CRYBG3: variants seen among roughly 807,000 people sequenced by gnomAD.
CRYBG3 encodes the protein very large A-kinase anchor protein.
CRYBG3 carries 127 observed loss-of-function variants against 244.2 expected under a neutral mutation model. The observed-to-expected ratio is 0.52, with a 90% CI of 0.45 to 0.60. The LOEUF is 0.60. Among genes scored for constraint, CRYBG3 ranks in the 20% least tolerant of loss-of-function variants. The probability of loss-of-function intolerance (pLI) is 0.00; values close to 1 mark genes in which losing one functional copy is unlikely to be tolerated. For synonymous variants in CRYBG3, 1,132 were observed against 1,195.8 expected (o/e 0.95, Z 1.10); for missense variants, 3,325 against 3,442.5 (o/e 0.97, Z 0.85).
chr3:97,906,239 G>C (rs1294895299), intron 15 of CRYBG3, among the ~76,000 whole-genome samples: 2 of 130,782 alleles, frequency 1.5e-5, no homozygotes, highest in African/African-American at 5.2e-5. Flanking sequence ...CTCTTTTTTG[G>C]TTCCATATGA....
chr3:97,905,613 T>G (rs2039763496), intron 15 of CRYBG3, among the ~76,000 whole-genome samples: 1 of 151,944 alleles, frequency 6.6e-6, no homozygotes, highest in Non-Finnish European at 1.5e-5. Flanking sequence ...CTTGTAAATT[T>G]GTTTGAGTTC....
At chr3:97,909,708 T>C (rs2039839242) in intron 15 of CRYBG3, among the ~76,000 whole-genome samples, 1 of 151,942 alleles carries the variant, frequency 6.6e-6, no homozygotes, top group South Asian at 2.1e-4. Context: ...CTCCCGTAGC[T>C]CAGAGTAATT....
intron 2 of CRYBG3, among the ~76,000 whole-genome samples, chr3:97,848,773 A>G (rs2038940509): frequency 6.6e-6 from 1 of 152,228 alleles, no homozygotes; most frequent in African/African-American, 2.4e-5. Context: ...TTGCAGCAGT[A>G]TCATGTCAGT....
At chr3:97,840,993 A>C (rs1026702324) in intron 1 of CRYBG3, among the ~76,000 whole-genome samples, 16 of 152,114 alleles carry the variant, frequency 1.1e-4, no homozygotes, top group African/African-American at 3.6e-4. Flanking sequence ...TTGGCAAAAG[A>C]TAAAGACTAG....
chr3:97,833,868 T>C (rs369345055), intron 1 of CRYBG3, among the ~76,000 whole-genome samples: 18 of 152,222 alleles, frequency 1.2e-4, no homozygotes, highest in African/African-American at 4.1e-4. Flanking sequence ...AATGTTAAGA[T>C]TGGGCATCTG....
chr3:97,933,735 T>C lies in CRYBG3; in HGVS notation c.8283T>C (p.His2761=). The C allele has an allele frequency of 1.9e-6, 3 of 1,613,056 alleles. No homozygotes were observed. Among genetic ancestry groups the C allele is most frequent in the Non-Finnish European group, 2.5e-6 (3 of 1,179,334 alleles). ...EPSISLFALE[H]CEGRELHLEE... is the part of the protein sequence containing the mutation. ...CCATCAGCCTTTTTGCTCTGGAGCA[T>C]TGTGAGGGAAGAGAGTTACATCTAG... is the stretch of plus-strand genomic sequence containing the variant. Residue 2761 remains histidine, a synonymous_variant, in exon 18 of 22, where the codon CAT becomes CAC. Coordinates refer to ENST00000389622, the MANE Select transcript of CRYBG3 (RefSeq NM_153605.4).
At chr3:97,828,828 CAAAAAA>C (rs11341279) in intron 1 of CRYBG3, among the ~76,000 whole-genome samples, 1 of 114,950 alleles carries the variant, frequency 8.7e-6, no homozygotes, top group Non-Finnish European at 1.7e-5. Context: ...AACTCCATCT[CAAAAAA>C]AAAAAAAAAA....
In CRYBG3 at chr3:97,858,540, G is replaced by A. The variant is rs1395489560; in HGVS notation, c.217-5677G>A. 1.3e-5 allele frequency among the ~76,000 whole-genome samples: 2 copies of A among 151,666 alleles called. 1 individual carries two copies. The highest frequency in any genetic ancestry group is 1.3e-4 in the Admixed American group (2 of 15,218). On this transcript the variant is annotated intron_variant, in intron 2 of 21. Transcript: ENST00000389622. ...CTTATTCCTTTTTATTTTCTGATTG[G>A]ATCATTTTAAAAAGCCTTTCTTCAA...
chr3:97,845,073 C>G (rs1463350860), intron 2 of CRYBG3, among the ~76,000 whole-genome samples: 1 of 152,150 alleles, frequency 6.6e-6, no homozygotes, highest in Non-Finnish European at 1.5e-5. Context: ...GCCGCACAGA[C>G]CCAGTTGTTC....
In CRYBG3 at chr3:97,881,216, A is replaced by C. The variant is rs929355240; in HGVS notation, c.7149A>C (p.Leu2383Phe). 1.1e-5 allele frequency: 17 copies of C among 1,594,688 alleles called. No homozygotes were observed. Among genetic ancestry groups the C allele is most frequent in the Non-Finnish European group, 1.5e-5 (17 of 1,171,456 alleles). ...NFILGSLKRV[L>F]KDCSIPEIEL... ...TATTGGGTTCTCTCAAACGTGTCTT[A>C]AAGGTAACAACTGTAGATTTTTCTA... The change falls in exon 7 of 22, where the codon TTA (leucine) becomes TTC (phenylalanine). Residue 2383 changes from leucine (L) to phenylalanine (F), a missense_variant. By Grantham distance (22) the Leu-to-Phe change is conservative. Around this residue, in one of 4 missense-constraint regions of CRYBG3, gnomAD observed 714 missense variants for 803.6 expected, o/e 0.89. Transcript: ENST00000389622.
rs1428677429 is a variant in CRYBG3 at position 97,822,072 on chromosome 3, CTG to C, written c.-134_-133del. The C allele has an allele frequency of 4.4e-6, 3 of 683,808 alleles. No individual in the cohort carries two copies. Among genetic ancestry groups the C allele is most frequent in the Non-Finnish European group, 4.2e-6 (2 of 473,190 alleles). The allele number at this position is 683,808 out of a possible 1,614,324, so 42.4% of individuals were successfully genotyped here. A position where few individuals can be genotyped will look rare whatever the true frequency, so the allele number is the denominator to read the frequency against. ...CCGCACTTCTCCTGCCCGAGAGAGA[CTG>C]AGCCGCGCTGGCAGCTCGCGTCGAG... is the stretch of plus-strand genomic sequence containing the variant. On this transcript the variant is annotated 5_prime_UTR_variant, in exon 1 of 22. Coordinates refer to ENST00000389622, the MANE Select transcript of CRYBG3 (RefSeq NM_153605.4).
Position 97,873,478 on chromosome 3 carries a change from A to G in CRYBG3, c.2284A>G (p.Ser762Gly), listed in dbSNP as rs1204261929. ...GPHLTGLELL[S>G]FDSGNLSKDC... ...TCACTTAACTGGGTTGGAGCTATTG[A>G]GCTTTGACTCTGGAAACCTCTCTAA... Residue 762 changes from serine to glycine, a missense_variant, in exon 4 of 22, where the codon AGC (serine) becomes GGC (glycine). By Grantham distance (56) the Ser-to-Gly change is moderately conservative (BLOSUM62 0). Around this residue, in one of 4 missense-constraint regions of CRYBG3, gnomAD observed 1,526 missense variants for 1,443.2 expected, o/e 1.06. Coordinates refer to ENST00000389622, the MANE Select transcript of CRYBG3 (RefSeq NM_153605.4). The G allele has an allele frequency of 6.5e-7, 1 of 1,535,884 alleles. No homozygotes were observed. Among genetic ancestry groups the G allele is most frequent in the Admixed American group, 2.0e-5 (1 of 50,968 alleles).
In CRYBG3 at chr3:97,899,216, T is replaced by G; in HGVS notation, c.7924T>G (p.Trp2642Gly). 6.2e-7 allele frequency: 1 copy of G among 1,613,796 alleles called. No homozygotes were observed. Among genetic ancestry groups the G allele is most frequent in the Non-Finnish European group, 8.5e-7 (1 of 1,179,810 alleles). The change falls in exon 14 of 22, where the codon TGG becomes GGG. Residue 2642 changes from tryptophan to glycine, a missense_variant. Trp to Gly is a radical substitution (Grantham distance 184). Transcript: ENST00000389622. The part of the protein sequence containing the change: ...EKGKYKCFFD[W>G]GGSNNIIMSI... ...AGGGAAATACAAATGCTTTTTTGAC[T>G]GGGGAGGATCAAATAATATAATCAT...
chr3:97,826,428 G>A (rs958200193), intron 1 of CRYBG3, among the ~76,000 whole-genome samples: 11 of 151,964 alleles, frequency 7.2e-5, no homozygotes, highest in East Asian at 3.9e-4. Context: ...TCATAACAGC[G>A]GAAAATATGT....
Position 97,876,343 on chromosome 3 carries a change from A to C in CRYBG3, c.5149A>C (p.Thr1717Pro). The change falls in exon 4 of 22, where the codon ACT becomes CCT. Residue 1717 changes from threonine to proline, a missense_variant. By Grantham distance (38) the Thr-to-Pro change is conservative. Coordinates refer to ENST00000389622, the MANE Select transcript of CRYBG3 (RefSeq NM_153605.4). ...ACCCGTTACATTAGCAATGGAAAAT[A>C]CTTACCAAAAGGATGCTGAAGGGGA... ...VIPVTLAMEN[T>P]YQKDAEGDIG... is the part of the protein sequence containing the mutation. 1 of 1,231,992 alleles carries C rather than the reference A, an allele frequency of 8.1e-7. No individual in the cohort carries two copies. The highest frequency in any genetic ancestry group is 1.0e-6 in the Non-Finnish European group (1 of 987,930). The allele number at this position is 1,231,992 out of a possible 1,614,324, so 76.3% of individuals were successfully genotyped here. A position where few individuals can be genotyped will look rare whatever the true frequency, so the allele number is the denominator to read the frequency against.
chr3:97,874,747 G>A lies in CRYBG3; in HGVS notation c.3553G>A (p.Ala1185Thr). 6.5e-7 allele frequency: 1 copy of A among 1,535,936 alleles called. No homozygotes were observed. The highest frequency in any genetic ancestry group is 8.7e-7 in the Non-Finnish European group (1 of 1,146,836). The change falls in exon 4 of 22, where the codon GCA becomes ACA. Residue 1185 changes from alanine (A) to threonine (T), a missense_variant. Coordinates refer to ENST00000389622, the MANE Select transcript of CRYBG3 (RefSeq NM_153605.4). The stretch of plus-strand genomic sequence containing the variant: ...TGAGCACATAGAAGCCAGGAGAAGA[G>A]CACATGACCAACTTTTGGACCTCAA... ...SAEHIEARRR[A>T]HDQLLDLKSS...
intron 15 of CRYBG3, among the ~76,000 whole-genome samples, chr3:97,906,568 A>G (rs1414179740): frequency 2.2e-5 from 3 of 139,032 alleles, no homozygotes; most frequent in African/African-American, 8.0e-5. Context: ...GTGTATAAGA[A>G]TGCTTGTGAT....
At chr3:97,857,973 A>T (rs551058205) in intron 2 of CRYBG3, among the ~76,000 whole-genome samples, 15 of 152,056 alleles carry the variant, frequency 9.9e-5, no homozygotes, top group Non-Finnish European at 7.4e-5. Context: ...TATCTTCTCT[A>T]TGAGTGAGCT....
At chr3:97,822,519 G>A (rs1057449345) in intron 1 of CRYBG3, among the ~76,000 whole-genome samples, 164 bp downstream of exon 1, 1 of 152,194 alleles carries the variant, frequency 6.6e-6, no homozygotes, top group Non-Finnish European at 1.5e-5. Flanking sequence ...TCCTTGCCCC[G>A]TTCCCGTGCC....
Sources: allele counts gnomAD v4.1 joint callset (sites outside exome capture counted in the v4.1 genomes callset), GRCh38; gene constraint gnomAD v4.1.1; regional missense constraint gnomAD v4.1.1; transcripts MANE v1.5; gene names NCBI Gene and HGNC (gene_info 2026-07-23, HGNC 2026-07-21).